Variants in DHX58 observed in about 807,000 individuals in gnomAD.
DHX58 encodes the protein DExH-box helicase 58.
DHX58 carries 51 observed loss-of-function variants against 65.0 expected under a neutral mutation model. That is an observed-to-expected ratio of 0.78 (90% CI 0.63 to 0.99). The LOEUF (loss-of-function observed/expected upper bound fraction) is 0.99. DHX58 is among the 50% of genes least tolerant of loss of function. The probability of loss-of-function intolerance (pLI) is 0.00; values close to 1 mark genes in which losing one functional copy is unlikely to be tolerated. For missense variants in DHX58, 773 were observed against 891.8 expected (o/e 0.87, Z 1.70); for synonymous variants, 350 against 365.0 (o/e 0.96, Z 0.47).
At position 42,111,399 on chromosome 17, in the gene DHX58, G is replaced by A; in HGVS notation, c.267C>T (p.Gly89=). The part of the protein sequence containing the change: ...TLSGDMGPRA[G]FGHLARCHDL... The stretch of plus-strand genomic sequence containing the variant: ...CATGGCACCGGGCCAGGTGGCCAAA[G>A]CCAGCACGTGGTCCCATGTCCCCAC... The change falls in exon 4 of 14, where the codon GGC becomes GGT. Residue 89 remains glycine, a synonymous_variant. Coordinates refer to ENST00000251642, the MANE Select transcript of DHX58 (RefSeq NM_024119.3). 2 of 1,614,194 alleles carry A rather than the reference G, an allele frequency of 1.2e-6. No individual in the cohort carries two copies. Among genetic ancestry groups the A allele is most frequent in the Non-Finnish European group, 1.7e-6 (2 of 1,180,026 alleles).
chr17:42,107,084 G>C (rs1272854258), intron 8 of DHX58, among the ~76,000 whole-genome samples: 1 of 152,032 alleles, frequency 6.6e-6, no homozygotes, highest in Non-Finnish European at 1.5e-5. Context: ...AATCTGGGCC[G>C]GGCACAGTGG....
intron 4 of DHX58, 97 bp downstream of exon 4, chr17:42,111,199 T>C: frequency 6.8e-7 from 1 of 1,480,416 alleles, no homozygotes; most frequent in Non-Finnish European, 9.1e-7. Flanking sequence ...TCACTCCCAC[T>C]AAAACTCCCA....
intron 8 of DHX58, among the ~76,000 whole-genome samples, chr17:42,106,208 G>A (rs1162802291): frequency 6.9e-6 from 1 of 144,314 alleles, no homozygotes; most frequent in African/African-American, 2.6e-5. Flanking sequence ...GAGAGAGAAA[G>A]AGAGAAGGAA....
At chr17:42,102,176 C>T (rs1555661662) in intron 13 of DHX58, 40 bp downstream of exon 13, 2 of 1,606,746 alleles carry the variant, frequency 1.2e-6, no homozygotes, top group African/African-American at 1.3e-5. Context: ...AAGACTGGGG[C>T]TGAGGACTCT....
At chr17:42,111,219 C>G (rs2054146157) in intron 4 of DHX58, 77 bp downstream of exon 4, 1 of 1,542,474 alleles carries the variant, frequency 6.5e-7, no homozygotes, top group Non-Finnish European at 8.8e-7. Context: ...AACACCTTGA[C>G]TCCAGGAGGT....
At chr17:42,108,710 G>A (rs35493105) in intron 6 of DHX58, among the ~76,000 whole-genome samples, 29,424 of 151,474 alleles carry the variant, frequency 0.19, 4,027 homozygotes, top group African/African-American at 0.39. Flanking sequence ...AGCTGCAGGC[G>A]TGGGGGCAGC....
At chr17:42,102,532 C>G (rs2053995418) in intron 12 of DHX58, 1 of 528,724 alleles carries the variant, frequency 1.9e-6, no homozygotes, top group Non-Finnish European at 3.4e-6. Context: ...GCATCGGTTA[C>G]CTGGTCTTCA....
At chr17:42,106,110 G>T in intron 8 of DHX58, 121 bp from the exon 9 acceptor site, 1 of 999,148 alleles carries the variant, frequency 1.0e-6, no homozygotes, top group Non-Finnish European at 1.4e-6. Context: ...AGAGAGCTAT[G>T]ATTGCACCAC....
In DHX58 at chr17:42,109,297, C is replaced by T; in HGVS notation, c.651G>A (p.Gln217=). 1 of 1,613,524 alleles carries T rather than the reference C, an allele frequency of 6.2e-7. No homozygotes were observed. Among genetic ancestry groups the T allele is most frequent in the Non-Finnish European group, 8.5e-7 (1 of 1,179,748 alleles). The change falls in exon 6 of 14, where the codon CAG becomes CAA. Residue 217 remains glutamine, a synonymous_variant. Coordinates refer to ENST00000251642, the MANE Select transcript of DHX58 (RefSeq NM_024119.3). Reference sequence around the variant, plus strand: ...GGCTGCGCCTGTGGCAGAGGTTGTACTGTTTGCAAGGCTGTTGGCTGTGCT... The same window carrying T: ...GGCTGCGCCTGTGGCAGAGGTTGTATTGTTTGCAAGGCTGTTGGCTGTGCT... ...LQEHSQQPCK[Q]YNLCHRRSQD...
At position 42,103,745 on chromosome 17, in the gene DHX58, C is replaced by G; in HGVS notation, c.1617G>C (p.Gln539His). ...ALTKRAAQAA[Q>H]RENQRQQFPV... ...GGAACTGCTGCCGCTGGTTCTCCCG[C>G]TGGGCTGCCTGGGCCGCCCGCTTGG... Residue 539 changes from glutamine to histidine, a missense_variant, in exon 12 of 14, where the codon CAG becomes CAC. By Grantham distance (24) the Gln-to-His change is conservative (BLOSUM62 0). Coordinates refer to ENST00000251642, the MANE Select transcript of DHX58 (RefSeq NM_024119.3). 6.2e-7 allele frequency: 1 copy of G among 1,612,552 alleles called. No individual in the cohort carries two copies. The highest frequency in any genetic ancestry group is 8.5e-7 in the Non-Finnish European group (1 of 1,180,010).
rs374547132 is a variant in DHX58 at position 42,105,983 on chromosome 17, T to C, written c.1004A>G (p.Lys335Arg). The C allele has an allele frequency of 3.1e-6, 5 of 1,612,444 alleles. No individual in the cohort carries two copies. The African/African-American group carries it at 6.7e-5, about 21-fold the overall frequency. ...AGTTGCCAAGTGGGCCAGCTCATTC[T>C]TGCGGTCTGTCAAAAACCCCAAAAT... Reference protein sequence around the residue: ...RRLLALFDDRKNELAHLATHG... With the variant: ...RRLLALFDDRRNELAHLATHG... Residue 335 changes from lysine to arginine, a missense_variant, in exon 9 of 14, where the codon AAG (lysine) becomes AGG (arginine). Transcript: ENST00000251642.
At chr17:42,111,230 G>A in intron 4 of DHX58, 66 bp downstream of exon 4, 8 of 1,556,482 alleles carry the variant, frequency 5.1e-6, no homozygotes, top group Non-Finnish European at 7.0e-6. Context: ...TCCAGGAGGT[G>A]CCCTGGGGTT....
rs565581113 is a variant in DHX58, at chr17:42,112,352, C to T, written c.-94-147G>A. 1.0e-3 allele frequency: 247 copies of T among 245,422 alleles called. 1 individual carries two copies. The highest frequency in any genetic ancestry group is 3.5e-3 in the East Asian group (30 of 8,674). 15.2% of individuals were successfully genotyped at this position (245,422 alleles called of 1,614,324 possible). On this transcript the variant is annotated intron_variant, in intron 1 of 13. Transcript: ENST00000251642. ...CGGTTAAGTACTGCTGCTGCGCCAG[C>T]GCCCTGGCAGGCATGATCACCTCCC...
chr17:42,108,722 G>A (rs575529373), intron 6 of DHX58, among the ~76,000 whole-genome samples: 79 of 152,372 alleles, frequency 5.2e-4, no homozygotes, highest in African/African-American at 1.8e-3. Context: ...GGGGGCAGCA[G>A]GAGCCACAGG....
In DHX58 at chr17:42,101,804, AG is replaced by A; in HGVS notation, c.1993del (p.Leu665CysfsTer75). On this transcript the variant is annotated frameshift_variant, in exon 14 of 14. Coordinates refer to ENST00000251642, the MANE Select transcript of DHX58 (RefSeq NM_024119.3). LOFTEE classifies it high-confidence loss of function. The stretch of plus-strand genomic sequence containing the variant: ...CGACAAGTTCTCGGCACAATGCTGC[AG>A]GAAGTCAAAGTCAGGCACGGAGAAG... ...VPFSVPDFDF[L>X]QHCAENLSDL... 6.2e-7 allele frequency: 1 copy of A among 1,614,230 alleles called. No individual in the cohort carries two copies.
intron 9 of DHX58, 141 bp from the exon 10 acceptor site, chr17:42,105,308 T>G: frequency 2.6e-6 from 3 of 1,153,822 alleles, no homozygotes; most frequent in Non-Finnish European, 3.6e-6. Context: ...AATCCCATCT[T>G]TATCCCCAGG....
rs1390197238 is a variant in DHX58, at chr17:42,101,456, G to T, written c.*305C>A. 1 of 279,526 alleles carries T rather than the reference G, an allele frequency of 3.6e-6. No homozygotes were observed. Among genetic ancestry groups the T allele is most frequent in the Non-Finnish European group, 6.6e-6 (1 of 150,976 alleles). 17.3% of individuals were successfully genotyped at this position (279,526 alleles called of 1,614,324 possible). A position where few individuals can be genotyped will look rare whatever the true frequency, so the allele number is the denominator to read the frequency against. ...TTATGAGGAGCCTCAAAAAATAGAA[G>T]TGGCCTTGGTAGGGAAGGAATGTCG... On this transcript the variant is annotated 3_prime_UTR_variant, in exon 14 of 14. Transcript: ENST00000251642.
chr17:42,112,346 C>T (rs906033888), intron 1 of DHX58, 141 bp from the exon 2 acceptor site: 49 of 234,162 alleles, frequency 2.1e-4, no homozygotes, highest in Non-Finnish European at 3.8e-4. Context: ...ACTGCTGCTG[C>T]GCCAGCGCCC....
intron 13 of DHX58, 80 bp downstream of exon 13, chr17:42,102,136 G>T (rs2053988538): frequency 2.0e-6 from 3 of 1,532,406 alleles, no homozygotes; most frequent in Non-Finnish European, 2.7e-6. Flanking sequence ...TGTCTCCCGT[G>T]TCCTAGTGAG....
Sources: gnomAD v4.1 joint callset for allele counts (sites outside exome capture counted in the v4.1 genomes callset) on GRCh38, gnomAD v4.1.1 for gene constraint, MANE v1.5 for transcripts, NCBI Gene and HGNC (gene_info 2026-07-23, HGNC 2026-07-21) for gene names.